The following CEP63 variants were observed in gnomAD, a reference collection of about 807,000 sequenced individuals.
The protein encoded by CEP63 is centrosomal protein 63, also known as centrosomal protein of 63 kDa.
In CEP63, 84 loss-of-function variants were observed where a neutral mutation model predicts 89.1. The observed-to-expected ratio is 0.94, with a 90% CI of 0.79 to 1.13. The LOEUF is 1.13. Ranked by LOEUF, CEP63 falls within the 50% of genes most tolerant of loss-of-function variation. The pLI is 0.00. For missense variants in CEP63, 838 were observed against 813.3 expected, an observed-to-expected ratio of 1.03 and a Z score of -0.37; for synonymous variants, 267 against 272.5, an observed-to-expected ratio of 0.98 and a Z score of 0.20.
the CEP63 span, among the ~76,000 whole-genome samples, chr3:134,729,568 G>A: frequency 6.6e-6 from 1 of 152,158 alleles, no homozygotes; most frequent in East Asian, 1.9e-4. Flanking sequence ...GGCTCTAAAA[G>A]GGTAAGATCT....
intron 5 of CEP63, chr3:134,536,589 A>T (rs1418443019): frequency 6.3e-6 from 1 of 158,324 alleles, no homozygotes; most frequent in Non-Finnish European, 1.4e-5. Context: ...TTTCTTTGTT[A>T]TTCAAACTTT....
Position 134,570,676 on chromosome 3 carries a change from T to G in CEP63, c.1330-4117T>G, listed in dbSNP as rs533026412. On this transcript the variant is annotated intron_variant, in intron 11 of 11. Coordinates refer to the CEP63 transcript ENST00000354446. ...CCTCCAAGCTGTTCCAACCTCTGCC[T>G]GCTACCCAGTTCCAAAGTCGCTTCC... 2.7e-4 allele frequency among the ~76,000 whole-genome samples: 41 copies of G among 152,376 alleles called. 1 individual carries two copies. Among genetic ancestry groups the G allele is most frequent in the African/African-American group, 9.9e-4 (41 of 41,592 alleles).
intron 14 of CEP63, among the ~76,000 whole-genome samples, chr3:134,559,641 T>C (rs937631223): frequency 6.6e-6 from 1 of 152,248 alleles, no homozygotes; most frequent in African/African-American, 2.4e-5. Context: ...AAATATGTTA[T>C]ACGTATTCAT....
At chr3:134,679,450 A>G in the CEP63 span, among the ~76,000 whole-genome samples, 3 of 152,324 alleles carry the variant, frequency 2.0e-5, no homozygotes, top group African/African-American at 7.2e-5. Flanking sequence ...AGCAGTCCTT[A>G]GGAGTCTCGG....
At chr3:134,575,199 TTC>T (rs1958172363), downstream of CEP63, among the ~76,000 whole-genome samples, 1 of 60,572 alleles carries the variant, frequency 1.7e-5, no homozygotes, top group African/African-American at 7.7e-5. Context: ...TCTTCCCTCT[TTC>T]CCTCCCTCCC....
chr3:134,492,083 T>C (rs1937739081), intron 1 of CEP63, among the ~76,000 whole-genome samples: 1 of 145,892 alleles, frequency 6.9e-6, no homozygotes, highest in African/African-American at 2.5e-5. Flanking sequence ...TTTTTTTTTT[T>C]TTTTTTTTGA....
intron 2 of CEP63, 122 bp from the exon 3 acceptor site, chr3:134,506,987 C>A (rs535018578): frequency 6.7e-4 from 283 of 422,190 alleles, no homozygotes; most frequent in East Asian, 1.3e-3. Flanking sequence ...TATTAATTTA[C>A]ATTAATGTCA....
At chr3:134,499,160 G>A (rs1941170794) in intron 2 of CEP63, among the ~76,000 whole-genome samples, 1 of 152,154 alleles carries the variant, frequency 6.6e-6, no homozygotes, top group African/African-American at 2.4e-5. Flanking sequence ...ATGCCATCAG[G>A]TCCTGGGCTT....
chr3:134,571,008 G>C (rs1221400921), intron 11 of CEP63, among the ~76,000 whole-genome samples: 1 of 152,216 alleles, frequency 6.6e-6, no homozygotes, highest in African/African-American at 2.4e-5. Context: ...GCTGTCATGA[G>C]AACAGCACAA....
the CEP63 span, among the ~76,000 whole-genome samples, chr3:134,760,058 C>CTTTTTTTTT: frequency 5.3e-5 from 7 of 131,196 alleles, no homozygotes; most frequent in Non-Finnish European, 1.1e-4. Context: ...AGAGCACTTT[C>CTTTTTTTTT]TTTTTTTTTT....
chr3:134,583,899 C>T (rs1958421622), intron 10 of CEP63, among the ~76,000 whole-genome samples: 1 of 152,074 alleles, frequency 6.6e-6, no homozygotes, highest in African/African-American at 2.4e-5. Context: ...CCTTCACATC[C>T]CTTGTAAGTT....
rs555972333 is a variant in CEP63, at chr3:134,550,323, G to T, written c.1380+63G>T. 270 of 1,437,290 alleles carry T rather than the reference G, an allele frequency of 1.9e-4. No individual in the cohort carries two copies. The African/African-American group carries it at 2.5e-3, about 13-fold the overall frequency. 89.0% of individuals were successfully genotyped at this position (1,437,290 alleles called of 1,614,324 possible). ...TGTTTTAAAGATGGAGTTGATTAAA[G>T]ACATAATTTTCATAATATTTAATTC... On this transcript the variant is annotated intron_variant, in intron 11 of 14. Transcript: ENST00000675561.
At chr3:134,544,737 T>A (rs1952847382) in intron 6 of CEP63, among the ~76,000 whole-genome samples, 1 of 152,188 alleles carries the variant, frequency 6.6e-6, no homozygotes, top group Non-Finnish European at 1.5e-5. Flanking sequence ...ATTTCCTATG[T>A]TTTAAATAGG....
chr3:134,647,298 T>C, the CEP63 span: 1 of 687,666 alleles, frequency 1.5e-6, no homozygotes, highest in South Asian at 1.7e-5. Flanking sequence ...CTTAGAGGCC[T>C]GGCTGGGTCA....
intron 6 of CEP63, among the ~76,000 whole-genome samples, chr3:134,541,510 C>CTTTT (rs564947611): frequency 6.2e-5 from 8 of 128,348 alleles, no homozygotes; most frequent in South Asian, 2.7e-4. Context: ...TACTAGCCAA[C>CTTTT]TTTTTTTTTT....
At chr3:134,485,865 G>T (rs1460497339), upstream of CEP63, 2 of 464,374 alleles carry the variant, frequency 4.3e-6, no homozygotes, top group East Asian at 3.1e-4. Context: ...AGCCTCGGCC[G>T]ATGGGAATAG....
At chr3:134,649,657 C>T in the CEP63 span, among the ~76,000 whole-genome samples, 4 of 152,182 alleles carry the variant, frequency 2.6e-5, no homozygotes, top group African/African-American at 4.8e-5. Flanking sequence ...GAGACTAGAG[C>T]GCCTGTCAAC....
intron 3 of CEP63, among the ~76,000 whole-genome samples, chr3:134,522,584 T>A (rs1414067873): frequency 6.6e-6 from 1 of 152,154 alleles, no homozygotes; most frequent in Non-Finnish European, 1.5e-5. Context: ...TTAAGCCTAG[T>A]ACCCCTTAGT....
At chr3:134,533,766 C>T (rs1950263962) in intron 5 of CEP63, among the ~76,000 whole-genome samples, 1 of 152,202 alleles carries the variant, frequency 6.6e-6, no homozygotes, top group Admixed American at 6.5e-5. Flanking sequence ...ATTTGAGAAA[C>T]ATTGTTCAAC....
Sources: gnomAD v4.1 joint callset for allele counts (sites outside exome capture counted in the v4.1 genomes callset) on GRCh38, gnomAD v4.1.1 for gene constraint, MANE v1.5 for transcripts, NCBI Gene and HGNC (gene_info 2026-07-23, HGNC 2026-07-21) for gene names.